The following ZNF804B variants were observed in gnomAD, a reference collection of about 807,000 sequenced individuals.
ZNF804B encodes the protein zinc finger protein 804B.
A neutral mutation model predicts 101.4 loss-of-function variants in ZNF804B; 80 were observed. The ratio of observed to expected loss-of-function variants is 0.79; its 90% confidence interval spans 0.66 to 0.95. The LOEUF (loss-of-function observed/expected upper bound fraction) is 0.95. Among genes scored for constraint, ZNF804B ranks in the 40% least tolerant of loss-of-function variants. The pLI is 0.00. For synonymous variants in ZNF804B, 622 were observed against 558.8 expected, an observed-to-expected ratio of 1.11 and a Z score of -1.59; for missense variants, 1,673 against 1,561.9, an observed-to-expected ratio of 1.07 and a Z score of -1.20.
intron 1 of ZNF804B, among the ~76,000 whole-genome samples, chr7:88,931,117 C>T (rs553896436): frequency 6.6e-6 from 1 of 151,840 alleles, no homozygotes; most frequent in African/African-American, 2.4e-5. Context: ...CATTGACGTT[C>T]TTGCAAAAGT....
chr7:88,986,607 C>T (rs1264348358), intron 1 of ZNF804B, among the ~76,000 whole-genome samples: 1 of 152,078 alleles, frequency 6.6e-6, no homozygotes, highest in African/African-American at 2.4e-5. Context: ...GGGCTTTGTT[C>T]TCTGTTCCTG....
chr7:88,842,782 C>A, intron 1 of ZNF804B, among the ~76,000 whole-genome samples: 1 of 152,150 alleles, frequency 6.6e-6, no homozygotes, highest in Non-Finnish European at 1.5e-5. Flanking sequence ...AATGGTATAA[C>A]CTGACCCAAG....
intron 1 of ZNF804B, among the ~76,000 whole-genome samples, chr7:89,206,626 C>A (rs990255655): frequency 6.6e-6 from 1 of 152,052 alleles, no homozygotes; most frequent in Non-Finnish European, 1.5e-5. Context: ...GTGGCTGGTG[C>A]CTGTGATCCT....
intron 1 of ZNF804B, among the ~76,000 whole-genome samples, chr7:88,946,523 A>G (rs1793131809): frequency 6.8e-6 from 1 of 146,012 alleles, no homozygotes. Flanking sequence ...TATTGCGTCG[A>G]TGTTCATCAG....
intron 1 of ZNF804B, among the ~76,000 whole-genome samples, chr7:89,208,375 C>A (rs1054004669): frequency 1.3e-5 from 2 of 152,194 alleles, no homozygotes; most frequent in Admixed American, 1.3e-4. Context: ...AGCCACCGCG[C>A]CTAGCCCTGT....
intron 1 of ZNF804B, among the ~76,000 whole-genome samples, chr7:89,084,297 C>G (rs1231014195): frequency 6.6e-6 from 1 of 151,828 alleles, no homozygotes; most frequent in Non-Finnish European, 1.5e-5. Context: ...AATCAGCAAG[C>G]TGATTGAATT....
At chr7:89,063,199 A>G (rs1459177655) in intron 1 of ZNF804B, among the ~76,000 whole-genome samples, 1 of 152,264 alleles carries the variant, frequency 6.6e-6, no homozygotes, top group Admixed American at 6.5e-5. Flanking sequence ...TTGCTGGTCA[A>G]ACTAAGCTAT....
chr7:88,884,784 T>C (rs1366076811), intron 1 of ZNF804B, among the ~76,000 whole-genome samples: 3 of 152,010 alleles, frequency 2.0e-5, no homozygotes, highest in African/African-American at 7.2e-5. Context: ...TGAGAAAAAT[T>C]TTTATAATGA....
chr7:89,274,284 A>G (rs1391338828), intron 2 of ZNF804B, among the ~76,000 whole-genome samples: 2 of 139,242 alleles, frequency 1.4e-5, no homozygotes, highest in East Asian at 2.2e-4. Context: ...AGCATTAGGT[A>G]TATCTCCCAG....
intron 1 of ZNF804B, among the ~76,000 whole-genome samples, chr7:88,958,601 C>T (rs1793346959): frequency 6.6e-6 from 1 of 151,440 alleles, no homozygotes; most frequent in Non-Finnish European, 1.5e-5. Flanking sequence ...GGCTGGCCAC[C>T]TTGTGGCTCA....
chr7:89,237,633 T>C (rs528272510), intron 2 of ZNF804B, among the ~76,000 whole-genome samples: 1 of 152,142 alleles, frequency 6.6e-6, no homozygotes, highest in South Asian at 2.1e-4. Flanking sequence ...TGTAGTGGGG[T>C]AGTCAATGGC....
chr7:89,237,951 C>A (rs1789309556), intron 2 of ZNF804B, among the ~76,000 whole-genome samples: 1 of 152,032 alleles, frequency 6.6e-6, no homozygotes, highest in Non-Finnish European at 1.5e-5. Context: ...TGTTAATTGA[C>A]AAATGACAAG....
intron 1 of ZNF804B, among the ~76,000 whole-genome samples, chr7:88,907,406 T>C (rs547291472): frequency 2.2e-3 from 342 of 152,172 alleles, no homozygotes; most frequent in Non-Finnish European, 4.0e-3. Context: ...GACTTGATTT[T>C]GTAGATGTGT....
chr7:89,001,944 T>TA (rs1010667509), intron 1 of ZNF804B, among the ~76,000 whole-genome samples: 1 of 151,022 alleles, frequency 6.6e-6, no homozygotes, highest in Non-Finnish European at 1.5e-5. Flanking sequence ...TTTTGTCAAT[T>TA]AAAAATTTTT....
chr7:89,220,024 T>TATATATGCACACATATATGTGTATAC (rs1788968954), intron 2 of ZNF804B, among the ~76,000 whole-genome samples: 11 of 113,506 alleles, frequency 9.7e-5, no homozygotes, highest in African/African-American at 3.8e-4. Context: ...TGTGTATACA[T>TATATATGCACACATATATGTGTATAC]ATATATACGC....
intron 1 of ZNF804B, among the ~76,000 whole-genome samples, chr7:88,944,109 T>G (rs1793093042): frequency 6.6e-6 from 1 of 151,798 alleles, no homozygotes. Flanking sequence ...TTATGTTGAA[T>G]AAAAATCCAG....
intron 1 of ZNF804B, among the ~76,000 whole-genome samples, chr7:88,974,753 G>A (rs1793590884): frequency 6.6e-6 from 1 of 151,170 alleles, no homozygotes; most frequent in African/African-American, 2.4e-5. Flanking sequence ...GGGTAAATTG[G>A]GTATCCATCA....
At chr7:88,976,711 A>G in intron 1 of ZNF804B, among the ~76,000 whole-genome samples, 1 of 151,558 alleles carries the variant, frequency 6.6e-6, no homozygotes, top group East Asian at 1.9e-4. Context: ...CCTTTCCAGT[A>G]TGGATGCTCT....
At chr7:89,030,978 G>A (rs1029304360) in intron 1 of ZNF804B, among the ~76,000 whole-genome samples, 10 of 148,600 alleles carry the variant, frequency 6.7e-5, no homozygotes, top group African/African-American at 2.5e-4. Context: ...GCAAATGCTG[G>A]TTTTCCCTTA....
Sources: allele counts gnomAD v4.1 joint callset (sites outside exome capture counted in the v4.1 genomes callset), GRCh38; gene constraint gnomAD v4.1.1; transcripts MANE v1.5; gene names NCBI Gene and HGNC (gene_info 2026-07-23, HGNC 2026-07-21).